ZAN: variants seen among roughly 807,000 people sequenced by gnomAD.
ZAN encodes the protein zonadhesin (gene/pseudogene).
In ZAN, 260 loss-of-function variants were observed where a neutral mutation model predicts 286.2. That is an observed-to-expected ratio of 0.91 (90% confidence interval 0.82 to 1.01). The LOEUF is 1.01. Among genes scored for constraint, ZAN ranks in the 50% least tolerant of loss-of-function variants. ZAN has a pLI of 0.00. For missense variants in ZAN, 3,410 were observed against 3,639.2 expected (o/e 0.94, Z 1.62); for synonymous variants, 1,368 against 1,417.5 (o/e 0.97, Z 0.79).
chr7:100,749,124 G>A (rs1808430438), intron 11 of ZAN, among the ~76,000 whole-genome samples: 1 of 151,870 alleles, frequency 6.6e-6, no homozygotes, highest in Non-Finnish European at 1.5e-5. Context: ...TGGATCACTT[G>A]AGGTCAGGAG....
intron 38 of ZAN, among the ~76,000 whole-genome samples, chr7:100,788,381 C>T (rs1811716298): frequency 6.6e-6 from 1 of 151,714 alleles, no homozygotes; most frequent in Non-Finnish European, 1.5e-5. Flanking sequence ...CAAGACGCAA[C>T]ATCTCTGCAA....
In ZAN at chr7:100,764,197, G is replaced by A. The variant is rs769022693; in HGVS notation, c.4267+1G>A. The A allele has an allele frequency of 4.1e-5, 63 of 1,545,400 alleles. No homozygotes were observed. Among genetic ancestry groups the A allele is most frequent in the Non-Finnish European group, 5.3e-5 (61 of 1,146,308 alleles). ...CCCTGGAGGGAACCCCACTTCTGCC[G>A]TGAGTTGTGCCAAACTCAGAGGAGA... is the stretch of plus-strand genomic sequence containing the variant. On this transcript the variant is annotated splice_donor_variant, in intron 22 of 47. Transcript: ENST00000613979. LOFTEE classifies it high-confidence loss of function.
rs926848571 is a variant in ZAN, at chr7:100,763,686, G to A, written c.3987-120G>A. On this transcript the variant is annotated intron_variant, in intron 20 of 47. Coordinates refer to ENST00000613979, the MANE Select transcript of ZAN (RefSeq NM_003386.3). This position sits in a 1 kb window ranked among gnomAD's most constrained non-coding sequence, Gnocchi z 4.6. ...CAGTGGTCAAACATCCTCTGGGAGGGGTTTCCCAGCTGACAGGCTGGTTTG... is the reference window on the plus strand; with the variant it reads ...CAGTGGTCAAACATCCTCTGGGAGGAGTTTCCCAGCTGACAGGCTGGTTTG... 13 of 954,932 alleles carry A rather than the reference G, an allele frequency of 1.4e-5. No homozygotes were observed. Among genetic ancestry groups the A allele is most frequent in the Admixed American group, 1.9e-5 (1 of 52,794 alleles). The allele number at this position is 954,932 out of a possible 1,614,324, so 59.2% of individuals were successfully genotyped here. A position where few individuals can be genotyped will look rare whatever the true frequency, so the allele number is the denominator to read the frequency against.
chr7:100,783,672 T>C (rs576094682), intron 35 of ZAN, among the ~76,000 whole-genome samples: 1 of 130,698 alleles, frequency 7.7e-6, no homozygotes, highest in Non-Finnish European at 1.6e-5. Context: ...AGGCAGAGGC[T>C]GCAGTGAGCC....
Position 100,783,828 on chromosome 7 carries a change from A to G in ZAN, c.6623-795A>G, listed in dbSNP as rs1325479379. Among the ~76,000 whole-genome samples, 33 of 119,194 alleles carry G rather than the reference A, an allele frequency of 2.8e-4. 1 individual carries two copies. Among genetic ancestry groups the G allele is most frequent in the Non-Finnish European group, 5.2e-4 (30 of 58,042 alleles). The allele number at this position is 119,194 out of a possible 152,430, so 78.2% of individuals were successfully genotyped here. On this transcript the variant is annotated intron_variant, in intron 35 of 47. Transcript: ENST00000613979. Reference sequence around the variant, plus strand: ...CACATATATATATACATATATATATATGTATATTTTATTGAGATCACATTA... The same window carrying G: ...CACATATATATATACATATATATATGTGTATATTTTATTGAGATCACATTA...
At chr7:100,776,308 A>C in intron 33 of ZAN, 132 bp from the exon 34 acceptor site, 2 of 1,289,496 alleles carry the variant, frequency 1.6e-6, no homozygotes, top group East Asian at 3.1e-5. Context: ...ACAAGAGTGA[A>C]ACTTGAAGGA....
At chr7:100,786,386 A>G (rs1811567551) in intron 37 of ZAN, among the ~76,000 whole-genome samples, 1 of 150,228 alleles carries the variant, frequency 6.7e-6, no homozygotes, top group Non-Finnish European at 1.5e-5. Context: ...GGTCAAGGAG[A>G]TCCTCCAAAG....
At chr7:100,766,423 AGTGATCTGAACAGCTCTG>A in intron 23 of ZAN, 84 bp from the exon 24 acceptor site, 1 of 1,372,844 alleles carries the variant, frequency 7.3e-7, no homozygotes. Context: ...CTATTAAGCC[AGTGATCTGAACAGCTCTG>A]GTGAGCTCTG....
intron 8 of ZAN, among the ~76,000 whole-genome samples, chr7:100,746,930 T>C (rs1018704886): frequency 1.3e-5 from 2 of 152,008 alleles, no homozygotes; most frequent in African/African-American, 4.8e-5. Flanking sequence ...TGAAACCCCG[T>C]CCATACTAAA....
Position 100,768,606 on chromosome 7 carries a change from C to T in ZAN, c.5042-4C>T, listed in dbSNP as rs112459883. ...TTGCCTGTTTTAATGACTCCCTCCT[C>T]TAGGGAACTACAACAACAACAGCTT... On this transcript the variant is annotated splice_polypyrimidine_tract_variant and splice_region_variant and intron_variant, in intron 26 of 47. Coordinates refer to ENST00000613979, the MANE Select transcript of ZAN (RefSeq NM_003386.3). The T allele has an allele frequency of 2.3e-5, 37 of 1,601,324 alleles. No individual in the cohort carries two copies. The Middle Eastern group carries it at 1.0e-3, about 43-fold the overall frequency.
At chr7:100,754,043 G>C (rs1176725887) in intron 14 of ZAN, among the ~76,000 whole-genome samples, 1 of 151,998 alleles carries the variant, frequency 6.6e-6, no homozygotes, top group Non-Finnish European at 1.5e-5. Context: ...TGCCAGTTCT[G>C]GACAGTTCAT....
chr7:100,794,306 C>T (rs199519074), intron 44 of ZAN, 48 bp downstream of exon 44: 18 of 1,542,190 alleles, frequency 1.2e-5, no homozygotes, highest in East Asian at 4.5e-5. Context: ...TGCCCTGGGG[C>T]GTCCATGGAC....
intron 19 of ZAN, 142 bp from the exon 20 acceptor site, chr7:100,762,073 G>A: frequency 1.0e-6 from 1 of 975,728 alleles, no homozygotes. Flanking sequence ...GGGCCATGGG[G>A]TCCTCTTGTC....
At chr7:100,734,348 G>C in intron 2 of ZAN, 127 bp downstream of exon 2, 1 of 636,944 alleles carries the variant, frequency 1.6e-6, no homozygotes, top group Non-Finnish European at 2.5e-6. Context: ...GGCCAGGCAC[G>C]GTGGCTCACG....
At position 100,794,213 on chromosome 7, in the gene ZAN, G is replaced by C; in HGVS notation, c.8080G>C (p.Gly2694Arg). 1 of 1,613,630 alleles carries C rather than the reference G, an allele frequency of 6.2e-7. No individual in the cohort carries two copies. The highest frequency in any genetic ancestry group is 1.1e-5 in the South Asian group (1 of 91,036). ...LLCEPFSCRAGEVCTLGNHTQ... is the reference protein window; with the variant it reads ...LLCEPFSCRAREVCTLGNHTQ... ...GTGTGAGCCCTTCAGCTGCAGAGCG[G>C]GGGAGGTCTGCACCCTGGGGAACCA... The change falls in exon 44 of 48, where the codon GGG becomes CGG. Residue 2694 changes from glycine to arginine, a missense_variant. Gly to Arg is a moderately radical substitution (Grantham distance 125, BLOSUM62 -2). Transcript: ENST00000613979.
rs779996117 is a variant in ZAN, at chr7:100,738,534, C to T, written c.687C>T (p.Ser229=). ...LCDWTWIPTA[S]GAKWTQKKGS... ...ACTGGACCTGGATCCCAACTGCCTC[C>T]GGGGCCAAGTGGACTCAGAAGAAAG... Residue 229 remains serine (S), a synonymous_variant, in exon 7 of 48, where the codon TCC becomes TCT. Transcript: ENST00000613979. 12 of 1,506,822 alleles carry T rather than the reference C, an allele frequency of 8.0e-6. No homozygotes were observed. Among genetic ancestry groups the T allele is most frequent in the South Asian group, 4.6e-5 (4 of 86,706 alleles). 93.3% of individuals were successfully genotyped at this position (1,506,822 alleles called of 1,614,324 possible).
Position 100,778,736 on chromosome 7 carries a change from A to C in ZAN, c.6318-710A>C, listed in dbSNP as rs562044373. On this transcript the variant is annotated intron_variant, in intron 34 of 47. Transcript: ENST00000613979. The stretch of plus-strand genomic sequence containing the variant: ...TCTCTCTGGGTCATTTGGGAGCACC[A>C]GATCATTGTCATAGGGCCAGGCGTG... 4.1e-4 allele frequency among the ~76,000 whole-genome samples: 62 copies of C among 152,276 alleles called. 1 individual carries two copies. In the South Asian group the frequency reaches 0.012, roughly 29 times the overall value.
intron 23 of ZAN, among the ~76,000 whole-genome samples, chr7:100,766,267 G>A (rs931021917): frequency 2.6e-5 from 4 of 152,058 alleles, no homozygotes; most frequent in African/African-American, 9.7e-5. Flanking sequence ...GATCACAGGC[G>A]TGAGCCGCCA....
At chr7:100,770,120 G>A (rs895369755) in intron 28 of ZAN, 146 bp downstream of exon 28, 11 of 690,694 alleles carry the variant, frequency 1.6e-5, no homozygotes, top group Middle Eastern at 8.2e-4. Context: ...CCAGCCAGCA[G>A]TCACCTTCTT....
Sources: allele counts gnomAD v4.1 joint callset (sites outside exome capture counted in the v4.1 genomes callset), GRCh38; gene constraint gnomAD v4.1.1; non-coding constraint Gnocchi (gnomAD v3.1); transcripts MANE v1.5; gene names NCBI Gene and HGNC (gene_info 2026-07-23, HGNC 2026-07-21).